RUNX1T1: variants seen among roughly 807,000 people sequenced by gnomAD.
RUNX1T1 encodes RUNX1 partner transcriptional co-repressor 1, also known as protein CBFA2T1.
A neutral mutation model predicts 62.8 loss-of-function variants in RUNX1T1; 4 were observed. The ratio of observed to expected loss-of-function variants is 0.06; its 90% confidence interval spans 0.03 to 0.15. The LOEUF (loss-of-function observed/expected upper bound fraction) is 0.15. RUNX1T1 is among the 10% of genes least tolerant of loss of function. The pLI, the probability that RUNX1T1 is intolerant of heterozygous loss-of-function variation, is 1.00. For missense variants in RUNX1T1, 508 were observed against 754.3 expected, an observed-to-expected ratio of 0.67 and a Z score of 3.82; for synonymous variants, 291 against 286.0, an observed-to-expected ratio of 1.02 and a Z score of -0.18.
chr8:91,990,931 T>C (rs926169684), intron 6 of RUNX1T1, among the ~76,000 whole-genome samples: 30 of 152,112 alleles, frequency 2.0e-4, no homozygotes, highest in African/African-American at 5.3e-4. Context: ...AGTGCTGGGA[T>C]TATAGGTGTG....
At chr8:92,059,671 T>A (rs896510276) in intron 1 of RUNX1T1, among the ~76,000 whole-genome samples, 4 of 152,226 alleles carry the variant, frequency 2.6e-5, no homozygotes, top group Non-Finnish European at 4.4e-5. Flanking sequence ...TATGTGTAAG[T>A]GTTTTGAAAA....
chr8:92,081,253 G>T, intron 1 of RUNX1T1: 1 of 967,640 alleles, frequency 1.0e-6, no homozygotes, highest in Non-Finnish European at 1.2e-6. Context: ...CCCAGTGCAA[G>T]TATTATTTCA....
intron 5 of RUNX1T1, among the ~76,000 whole-genome samples, chr8:91,997,237 T>C (rs1232160832): frequency 6.6e-6 from 1 of 152,118 alleles, no homozygotes; most frequent in Non-Finnish European, 1.5e-5. Flanking sequence ...TATAAAACAG[T>C]GTATAACATT....
At chr8:91,991,791 T>C (rs758794727) in exon 6 of RUNX1T1, 1 of 1,614,100 alleles carries the variant, frequency 6.2e-7, no homozygotes, top group Non-Finnish European at 8.5e-7. Flanking sequence ...GGATAAGCCG[T>C]TATTTGGACT....
rs56037232 is a variant in RUNX1T1, at chr8:91,959,412, TTGTGTGTGTGTGTGTGTG to T, written c.*812_*829del. The stretch of plus-strand genomic sequence containing the variant: ...ATTAACTGCAGGCTGAGTCTCTTAC[TTGTGTGTGTGTGTGTGTG>T]TGTGTGTGTGTGTGTGTGTGTGTGT... On this transcript the variant is annotated 3_prime_UTR_variant, in exon 11 of 11. Transcript: ENST00000396218. 827 of 139,360 alleles carry T rather than the reference TTGTGTGTGTGTGTGTGTG, an allele frequency of 5.9e-3. 32 individuals carry two copies. Among genetic ancestry groups the T allele is most frequent in the African/African-American group, 0.024 (501 of 21,076 alleles). 8.6% of individuals were successfully genotyped at this position (139,360 alleles called of 1,614,324 possible).
chr8:92,072,584 T>TCA (rs1179979958), intron 2 of RUNX1T1, among the ~76,000 whole-genome samples: 1 of 152,214 alleles, frequency 6.6e-6, no homozygotes, highest in East Asian at 1.9e-4. Context: ...TTGTCTGTGT[T>TCA]CAACACAAAG....
At chr8:92,073,840 G>T (rs1834028406) in intron 2 of RUNX1T1, among the ~76,000 whole-genome samples, 1 of 152,138 alleles carries the variant, frequency 6.6e-6, no homozygotes, top group African/African-American at 2.4e-5. Context: ...GGGACTACAG[G>T]CATGTGCCAT....
chr8:91,978,692 CAA>C (rs1442839673), intron 8 of RUNX1T1, among the ~76,000 whole-genome samples: 4 of 152,154 alleles, frequency 2.6e-5, no homozygotes, highest in Non-Finnish European at 4.4e-5. Context: ...ATGACACTTT[CAA>C]AAATTTTACT....
intron 1 of RUNX1T1, among the ~76,000 whole-genome samples, chr8:92,054,186 G>T (rs1490817745): frequency 6.6e-6 from 1 of 151,392 alleles, no homozygotes; most frequent in South Asian, 2.1e-4. Context: ...TTTATTATGT[G>T]ATCACCATTC....
At chr8:92,001,881 C>A (rs1267991288) in intron 5 of RUNX1T1, among the ~76,000 whole-genome samples, 1 of 152,182 alleles carries the variant, frequency 6.6e-6, no homozygotes, top group African/African-American at 2.4e-5. Context: ...ATTCTGCAGT[C>A]TCAAAGAAAG....
chr8:92,006,302 G>C (rs910987517), intron 4 of RUNX1T1: 1 of 152,094 alleles, frequency 6.6e-6, no homozygotes, highest in Non-Finnish European at 1.5e-5. Context: ...GTAAGGGAGA[G>C]GAAAGGAGAA....
intron 1 of RUNX1T1, among the ~76,000 whole-genome samples, chr8:92,019,986 T>C (rs1393097255): frequency 1.3e-5 from 2 of 152,210 alleles, no homozygotes; most frequent in Non-Finnish European, 2.9e-5. Context: ...CCAGAATATA[T>C]GTATATGTGC....
chr8:92,088,793 A>G (rs1418402416), intron 1 of RUNX1T1, among the ~76,000 whole-genome samples: 2 of 152,082 alleles, frequency 1.3e-5, no homozygotes, highest in East Asian at 3.9e-4. Context: ...TTCCCTTCAT[A>G]TTATCGGTGG....
intron 8 of RUNX1T1, among the ~76,000 whole-genome samples, chr8:91,983,612 T>C (rs556169481): frequency 7.9e-5 from 12 of 152,308 alleles, no homozygotes; most frequent in South Asian, 2.1e-4. Flanking sequence ...TAAATGTATA[T>C]AAAGATATAG....
At chr8:92,067,857 G>A (rs1186134344), upstream of RUNX1T1, among the ~76,000 whole-genome samples, 1 of 152,078 alleles carries the variant, frequency 6.6e-6, no homozygotes, top group Non-Finnish European at 1.5e-5. Context: ...ATATATTGTA[G>A]TTCATTTCCA....
At position 92,069,771 on chromosome 8, in the gene RUNX1T1, G is replaced by C. The variant is rs116788861; in HGVS notation, c.88+6194C>G. Among the ~76,000 whole-genome samples the C allele has an allele frequency of 8.0e-3, 1,211 of 152,198 alleles. 11 individuals carry two copies. Among genetic ancestry groups the C allele is most frequent in the African/African-American group, 0.028 (1,169 of 41,526 alleles). ...TGAAATACACTCAAGAATGGTTAAA[G>C]CCTATAAATCTCAATGCAATTCCCT... On this transcript the variant is annotated intron_variant, in intron 2 of 11. Coordinates refer to the RUNX1T1 transcript ENST00000265814.
intron 1 of RUNX1T1, among the ~76,000 whole-genome samples, chr8:92,057,190 A>G (rs1758865912): frequency 1.3e-5 from 2 of 152,306 alleles, no homozygotes; most frequent in Admixed American, 6.5e-5. Flanking sequence ...TTTTTCAGCA[A>G]AAAGAACTCT....
At chr8:92,054,766 C>A (rs368058433) in intron 1 of RUNX1T1, among the ~76,000 whole-genome samples, 3 of 152,060 alleles carry the variant, frequency 2.0e-5, no homozygotes, top group Admixed American at 6.6e-5. Context: ...CTTTGGGAGG[C>A]GGGCGGATCA....
At chr8:92,063,098 T>C (rs1261392319), upstream of RUNX1T1, 2 of 369,318 alleles carry the variant, frequency 5.4e-6, no homozygotes, top group Non-Finnish European at 7.9e-6. Flanking sequence ...TTGGGAACTG[T>C]ATTAAAAAAA....
Sources: gnomAD v4.1 joint callset for allele counts (sites outside exome capture counted in the v4.1 genomes callset) on GRCh38, gnomAD v4.1.1 for gene constraint, MANE v1.5 for transcripts, NCBI Gene and HGNC (gene_info 2026-07-23, HGNC 2026-07-21) for gene names.